CIMAP1A: variants seen among roughly 807,000 people sequenced by gnomAD.
CIMAP1A encodes the protein cancer/testis antigen 135.
the CIMAP1A span, chr11:198,783 CGCCCTG>C: frequency 7.0e-7 from 1 of 1,428,950 alleles, no homozygotes; most frequent in Non-Finnish European, 9.1e-7. Flanking sequence ...AGAAGGGAGA[CGCCCTG>C]GCCCCAGCAT....
At chr11:200,232 A>G in the CIMAP1A span, 1 of 571,518 alleles carries the variant, frequency 1.7e-6, no homozygotes, top group Non-Finnish European at 3.1e-6. Context: ...GCTGTGCCCA[A>G]ATTATTAATA....
chr11:197,188 G>A, the CIMAP1A span: 46 of 676,942 alleles, frequency 6.8e-5, no homozygotes, highest in East Asian at 1.0e-3. Flanking sequence ...AGCAGGTTCC[G>A]CAGGTCTTAC....
At chr11:197,313 G>A in the CIMAP1A span, 1 of 1,579,334 alleles carries the variant, frequency 6.3e-7, no homozygotes, top group East Asian at 2.3e-5. Context: ...CCATGACGGA[G>A]GAGGTATGGA....
At chr11:197,354 G>T in the CIMAP1A span, 1 of 1,597,238 alleles carries the variant, frequency 6.3e-7, no homozygotes, top group East Asian at 2.3e-5. Flanking sequence ...CGCCCCCGGG[G>T]ACCCATCATG....
chr11:199,441 G>A, the CIMAP1A span: 40 of 1,568,138 alleles, frequency 2.6e-5, no homozygotes, highest in Admixed American at 1.5e-4. Context: ...GTACACCATG[G>A]CTGCCCGTGT....
the CIMAP1A span, chr11:198,810 G>A: frequency 7.1e-7 from 1 of 1,405,378 alleles, no homozygotes; most frequent in Middle Eastern, 1.9e-4. Context: ...GGACCGTGCT[G>A]AGGACAAGAG....
the CIMAP1A span, chr11:198,508 G>A: frequency 1.9e-5 from 30 of 1,613,034 alleles, no homozygotes; most frequent in East Asian, 1.1e-4. Context: ...GCCCAATACC[G>A]TCGGCAAGGC....
At chr11:198,672 G>C in the CIMAP1A span, 5 of 1,529,772 alleles carry the variant, frequency 3.3e-6, no homozygotes, top group Admixed American at 1.0e-4. Context: ...GTTCGGCCCT[G>C]CCTTGCCAAT....
At chr11:197,210 A>T in the CIMAP1A span, 1 of 822,196 alleles carries the variant, frequency 1.2e-6, no homozygotes, top group Non-Finnish European at 1.9e-6. Flanking sequence ...CTTCAGTGTC[A>T]GCAAGAGCAG....
chr11:198,642 C>T, the CIMAP1A span: 1 of 1,556,398 alleles, frequency 6.4e-7, no homozygotes, highest in Non-Finnish European at 8.7e-7. Context: ...GAACCCTCCC[C>T]CGGAACCCAG....
At chr11:199,039 A>G in the CIMAP1A span, 1 of 1,226,630 alleles carries the variant, frequency 8.2e-7, no homozygotes, top group Non-Finnish European at 1.0e-6. Context: ...GCCCTCGTCC[A>G]TGTTGATTTT....
At chr11:198,296 C>T in the CIMAP1A span, 3 of 1,613,832 alleles carry the variant, frequency 1.9e-6, no homozygotes, top group Non-Finnish European at 2.5e-6. Flanking sequence ...TGGACAGCAC[C>T]CCAGGTCCGC....
chr11:198,683 G>GCCCCTCAGC, the CIMAP1A span: 6 of 1,519,650 alleles, frequency 3.9e-6, no homozygotes, highest in Non-Finnish European at 1.8e-6. Context: ...CCTTGCCAAT[G>GCCCCTCAGC]CCCCTCAGCC....
chr11:199,737 A>T, the CIMAP1A span: 2 of 1,436,252 alleles, frequency 1.4e-6, no homozygotes, highest in Non-Finnish European at 1.8e-6. Context: ...GTAACCCTTC[A>T]GGGACATGGA....
chr11:200,129 C>G, the CIMAP1A span: 5 of 1,306,250 alleles, frequency 3.8e-6, no homozygotes, highest in Non-Finnish European at 4.3e-6. Flanking sequence ...GCTGGGCCAG[C>G]CTGGCCCTGC....
At chr11:198,883 G>A in the CIMAP1A span, 21 of 1,274,886 alleles carry the variant, frequency 1.6e-5, no homozygotes, top group Non-Finnish European at 2.0e-5. Flanking sequence ...AGCATGGAAA[G>A]AAGAGGAGGA....
the CIMAP1A span, chr11:200,116 T>G: frequency 1.4e-6 from 2 of 1,471,290 alleles, no homozygotes; most frequent in Non-Finnish European, 1.9e-6. Context: ...CTTCACCAGC[T>G]GGGCTGGGCC....
chr11:199,097 A>T, the CIMAP1A span: 1 of 1,325,016 alleles, frequency 7.5e-7, no homozygotes, highest in Non-Finnish European at 9.7e-7. Flanking sequence ...AGCCTCTCTC[A>T]CACACGCTCA....
At chr11:199,230 G>A in the CIMAP1A span, 2 of 1,472,410 alleles carry the variant, frequency 1.4e-6, no homozygotes, top group Non-Finnish European at 9.0e-7. Flanking sequence ...CAGTGTGACA[G>A]AAGACAGAAG....
Sources: allele counts gnomAD v4.1 joint callset, GRCh38; gene constraint gnomAD v4.1.1; transcripts MANE v1.5; gene names NCBI Gene and HGNC (gene_info 2026-07-23, HGNC 2026-07-21).